The following LRBA variants were observed in gnomAD, a reference collection of about 807,000 sequenced individuals.
LRBA encodes lipopolysaccharide-responsive and beige-like anchor protein.
In LRBA, 176 loss-of-function variants were observed where a neutral mutation model predicts 330.0. That is an observed-to-expected ratio of 0.53 (90% confidence interval 0.47 to 0.60). The LOEUF is 0.60. Among genes scored for constraint, LRBA ranks in the 20% least tolerant of loss-of-function variants. The pLI, the probability that LRBA is intolerant of heterozygous loss-of-function variation, is 0.00. For missense variants in LRBA, 3,259 were observed against 3,444.8 expected (o/e 0.95, Z 1.35); for synonymous variants, 1,230 against 1,193.0 (o/e 1.03, Z -0.64).
rs770529199 is a variant in LRBA, at chr4:150,849,048, A to T, written c.4159-50T>A. On this transcript the variant is annotated intron_variant, in intron 25 of 56. Transcript: ENST00000651943. ...TATATATATATATTCTGAAAAAAAA[A>T]TTTTACCAGATATAGTCCTAAAATT... is the stretch of plus-strand genomic sequence containing the variant. 3.2e-5 allele frequency: 41 copies of T among 1,285,120 alleles called. No individual in the cohort carries two copies. In the African/African-American group the frequency reaches 3.5e-4, roughly 11 times the overall value. 79.6% of individuals were successfully genotyped at this position (1,285,120 alleles called of 1,614,324 possible). A position where few individuals can be genotyped will look rare whatever the true frequency, so the allele number is the denominator to read the frequency against.
intron 47 of LRBA, among the ~76,000 whole-genome samples, chr4:150,408,058 C>T (rs913474297): frequency 6.6e-6 from 1 of 151,794 alleles, no homozygotes. Flanking sequence ...AGAGCGAAAA[C>T]TCAACGAAAG....
chr4:150,735,107 A>G (rs940103926), intron 36 of LRBA, 151 bp downstream of exon 36: 6 of 630,124 alleles, frequency 9.5e-6, no homozygotes, highest in Non-Finnish European at 1.7e-5. Context: ...ACTATCTCCC[A>G]GAACCCCCAT....
intron 40 of LRBA, among the ~76,000 whole-genome samples, chr4:150,525,619 A>C (rs1036493474): frequency 1.3e-5 from 2 of 152,178 alleles, no homozygotes. Context: ...CAATATCATC[A>C]AAGTATCATG....
intron 43 of LRBA, among the ~76,000 whole-genome samples, chr4:150,468,763 C>T (rs1318482209): frequency 6.6e-6 from 1 of 151,842 alleles, no homozygotes; most frequent in African/African-American, 2.4e-5. Context: ...GATGTTATAT[C>T]AATACGTAGC....
At chr4:150,805,596 GAA>G (rs1284804795) in intron 33 of LRBA, among the ~76,000 whole-genome samples, 6 of 132,262 alleles carry the variant, frequency 4.5e-5, no homozygotes, top group African/African-American at 1.9e-4. Context: ...GAAAGGAAAG[GAA>G]AGGAAAAGAA....
chr4:150,912,722 T>C (rs546030533), intron 9 of LRBA, among the ~76,000 whole-genome samples: 1 of 152,292 alleles, frequency 6.6e-6, no homozygotes, highest in African/African-American at 2.4e-5. Flanking sequence ...CGGATTTTTA[T>C]CATTTCCTTC....
intron 34 of LRBA, among the ~76,000 whole-genome samples, chr4:150,768,976 C>T (rs1371409564): frequency 1.7e-5 from 2 of 118,312 alleles, no homozygotes; most frequent in African/African-American, 3.3e-5. Flanking sequence ...CTCACTCTGT[C>T]ACCCAGGCTG....
chr4:150,604,605 C>T (rs1774444912), intron 37 of LRBA, among the ~76,000 whole-genome samples: 1 of 151,790 alleles, frequency 6.6e-6, no homozygotes, highest in African/African-American at 2.4e-5. Context: ...GATGCAAAAA[C>T]AAATAATAAG....
At chr4:150,298,609 CCTT>C (rs1399406083) in intron 53 of LRBA, among the ~76,000 whole-genome samples, 2 of 152,054 alleles carry the variant, frequency 1.3e-5, no homozygotes, top group Admixed American at 6.6e-5. Context: ...GTTAATAAAA[CCTT>C]CTTTCTAATT....
chr4:150,338,204 A>G (rs568628085), intron 48 of LRBA, among the ~76,000 whole-genome samples: 1 of 152,274 alleles, frequency 6.6e-6, no homozygotes, highest in African/African-American at 2.4e-5. Context: ...TTTCATGTTG[A>G]GGTCACTTGT....
At chr4:150,431,558 G>C (rs914693379) in intron 46 of LRBA, among the ~76,000 whole-genome samples, 1 of 151,914 alleles carries the variant, frequency 6.6e-6, no homozygotes, top group Non-Finnish European at 1.5e-5. Context: ...GGAAGACTTA[G>C]TATCAAAAAA....
chr4:150,406,305 TTCTGGATTATGCTATTGGATGCTA>T (rs1408908630), intron 47 of LRBA, among the ~76,000 whole-genome samples: 2 of 152,180 alleles, frequency 1.3e-5, no homozygotes, highest in Non-Finnish European at 2.9e-5. Flanking sequence ...GCTGATCTAT[TTCTGGATTATGCTATTGGATGCTA>T]TCTGGATTGT....
chr4:150,685,876 T>A (rs527696195), intron 36 of LRBA, among the ~76,000 whole-genome samples: 243 of 152,104 alleles, frequency 1.6e-3, no homozygotes, highest in Non-Finnish European at 2.6e-3. Context: ...AAAACGTTAA[T>A]CAATTTCAGG....
intron 47 of LRBA, among the ~76,000 whole-genome samples, chr4:150,379,252 G>A (rs935248543): frequency 3.8e-5 from 5 of 131,924 alleles, no homozygotes; most frequent in Non-Finnish European, 6.1e-5. Flanking sequence ...GTAGTGAGCC[G>A]AGATCACGCC....
At chr4:150,310,153 G>T in intron 52 of LRBA, 76 bp downstream of exon 52, 1 of 980,184 alleles carries the variant, frequency 1.0e-6, no homozygotes. Context: ...GAAGGAAGCA[G>T]ATAAGAATGC....
At chr4:150,605,103 C>T (rs1774499221) in intron 37 of LRBA, among the ~76,000 whole-genome samples, 1 of 152,172 alleles carries the variant, frequency 6.6e-6, no homozygotes, top group Non-Finnish European at 1.5e-5. Flanking sequence ...AAGTAGATAA[C>T]TTTCTGGATA....
chr4:150,963,510 G>T (rs1738429955), intron 2 of LRBA, among the ~76,000 whole-genome samples: 1 of 149,554 alleles, frequency 6.7e-6, no homozygotes, highest in Non-Finnish European at 1.5e-5. Context: ...AGGCTGGAGT[G>T]CAGTGGCGTG....
chr4:150,935,431 A>G (rs954016076), intron 2 of LRBA, among the ~76,000 whole-genome samples: 35 of 152,134 alleles, frequency 2.3e-4, no homozygotes, highest in Non-Finnish European at 4.3e-4. Context: ...CTAGGAGTGT[A>G]TTAAAACATA....
At chr4:150,735,409 CA>C (rs1731056715) in intron 35 of LRBA, 43 bp from the exon 36 acceptor site, 1 of 1,239,736 alleles carries the variant, frequency 8.1e-7, no homozygotes. Flanking sequence ...TGTATACACA[CA>C]CAACATAAAT....
Sources: gnomAD v4.1 joint callset for allele counts (sites outside exome capture counted in the v4.1 genomes callset) on GRCh38, gnomAD v4.1.1 for gene constraint, MANE v1.5 for transcripts, NCBI Gene and HGNC (gene_info 2026-07-23, HGNC 2026-07-21) for gene names.